Variants in MVB12B observed in about 807,000 individuals in gnomAD.
The protein encoded by MVB12B is multivesicular body subunit 12B.
A neutral mutation model predicts 41.6 loss-of-function variants in MVB12B; 16 were observed. The ratio of observed to expected loss-of-function variants is 0.38; its 90% confidence interval spans 0.26 to 0.58. MVB12B has a LOEUF of 0.58. Among genes scored for constraint, MVB12B ranks in the 20% least tolerant of loss-of-function variants. MVB12B has a pLI of 0.62. For synonymous variants in MVB12B, 133 were observed against 139.7 expected (o/e 0.95, Z 0.34); for missense variants, 274 against 380.2 (o/e 0.72, Z 2.32).
At chr9:126,497,747 C>T (rs1425117250) in intron 9 of MVB12B, among the ~76,000 whole-genome samples, 1 of 152,212 alleles carries the variant, frequency 6.6e-6, no homozygotes, top group African/African-American at 2.4e-5. Flanking sequence ...TGGGGCTTCC[C>T]GCTGGGTATG....
intron 7 of MVB12B, among the ~76,000 whole-genome samples, chr9:126,430,496 A>G (rs908563191): frequency 6.7e-6 from 1 of 148,456 alleles, no homozygotes; most frequent in Non-Finnish European, 1.5e-5. Context: ...ACCCCACACT[A>G]CTCTGTTGGA....
At chr9:126,420,398 T>A (rs1831968435) in intron 6 of MVB12B, among the ~76,000 whole-genome samples, 1 of 152,294 alleles carries the variant, frequency 6.6e-6, no homozygotes, top group Admixed American at 6.5e-5. Flanking sequence ...CTGGCTGGGC[T>A]GTGGCTGAGT....
chr9:126,364,786 C>G (rs1830119755), intron 2 of MVB12B, among the ~76,000 whole-genome samples: 1 of 152,170 alleles, frequency 6.6e-6, no homozygotes, highest in African/African-American at 2.4e-5. Flanking sequence ...GAGTCTTGCT[C>G]TGTTGCCCAG....
chr9:126,409,299 C>CTGTGTGTGTGTG (rs61211126), intron 6 of MVB12B, among the ~76,000 whole-genome samples: 25 of 138,114 alleles, frequency 1.8e-4, no homozygotes, highest in East Asian at 4.3e-4. Flanking sequence ...GTGAGTAACT[C>CTGTGTGTGTGTG]TGTGTGTGTG....
chr9:126,467,721 C>G (rs527545072), intron 7 of MVB12B, among the ~76,000 whole-genome samples: 58 of 152,210 alleles, frequency 3.8e-4, no homozygotes, highest in African/African-American at 1.3e-3. Flanking sequence ...CAATGGGAAC[C>G]CCTTCAGGCT....
chr9:126,406,772 G>A (rs1056513203), intron 6 of MVB12B, among the ~76,000 whole-genome samples: 28 of 152,118 alleles, frequency 1.8e-4, no homozygotes, highest in Admixed American at 1.8e-3. Context: ...TAAATGTAGT[G>A]AATAAATACC....
At chr9:126,409,299 CTGTGTG>C (rs61211126) in intron 6 of MVB12B, among the ~76,000 whole-genome samples, 3,386 of 138,068 alleles carry the variant, frequency 0.025, 93 homozygotes, top group African/African-American at 0.064. Context: ...GTGAGTAACT[CTGTGTG>C]TGTGTGTGTG....
At chr9:126,343,558 A>G (rs1829506633) in intron 2 of MVB12B, among the ~76,000 whole-genome samples, 1 of 152,200 alleles carries the variant, frequency 6.6e-6, no homozygotes. Context: ...ACTGAGAATC[A>G]TTGTTGGGTG....
intron 7 of MVB12B, among the ~76,000 whole-genome samples, chr9:126,435,658 C>CA (rs34798291): frequency 0.36 from 44,795 of 124,944 alleles, 7,630 homozygotes; most frequent in Middle Eastern, 0.47. Context: ...TTATTTTAGC[C>CA]AAAAAAAAAA....
At chr9:126,368,070 G>A (rs1319819827) in intron 2 of MVB12B, among the ~76,000 whole-genome samples, 1 of 152,260 alleles carries the variant, frequency 6.6e-6, no homozygotes, top group African/African-American at 2.4e-5. Context: ...CGGAAGGGAA[G>A]CAGTGGTTTC....
chr9:126,373,121 T>C (rs562213790), intron 2 of MVB12B, among the ~76,000 whole-genome samples: 1 of 152,340 alleles, frequency 6.6e-6, no homozygotes, highest in African/African-American at 2.4e-5. Flanking sequence ...AACAGGTTTA[T>C]GTTTTTCATT....
chr9:126,411,473 C>G (rs1227203322), intron 6 of MVB12B, among the ~76,000 whole-genome samples: 1 of 152,202 alleles, frequency 6.6e-6, no homozygotes, highest in Non-Finnish European at 1.5e-5. Context: ...CCTGTTGATA[C>G]TGGTCCAGCT....
At chr9:126,418,071 G>A (rs1831877078) in intron 6 of MVB12B, among the ~76,000 whole-genome samples, 1 of 152,180 alleles carries the variant, frequency 6.6e-6, no homozygotes, top group South Asian at 2.1e-4. Context: ...CTGGTGTGCC[G>A]GGGATGTGTA....
Position 126,421,880 on chromosome 9 carries a change from C to T in MVB12B, c.689C>T (p.Thr230Ile). The part of the protein sequence containing the change: ...PRHISLTLPA[T>I]FRGRNSTRTD... ...CACATCTCCCTAACACTTCCTGCCA[C>T]CTTCCGAGGCAGGAACAGCACCCGG... Residue 230 changes from threonine (T) to isoleucine (I), a missense_variant, in exon 7 of 10, where the codon ACC (threonine) becomes ATC (isoleucine). Physicochemically the swap from Thr to Ile is moderately conservative, Grantham distance 89. Transcript: ENST00000361171. The T allele has an allele frequency of 6.2e-7, 1 of 1,614,050 alleles. No individual in the cohort carries two copies. Among genetic ancestry groups the T allele is most frequent in the Non-Finnish European group, 8.5e-7 (1 of 1,179,944 alleles).
At chr9:126,451,727 G>A (rs1488024676) in intron 7 of MVB12B, among the ~76,000 whole-genome samples, 1 of 152,130 alleles carries the variant, frequency 6.6e-6, no homozygotes. Context: ...AAGGGTCCTG[G>A]GTGGGTGCCC....
Position 126,395,943 on chromosome 9 carries a change from CA to C in MVB12B, c.662+248del. 1.5e-6 allele frequency: 2 copies of C among 1,310,560 alleles called. No individual in the cohort carries two copies. Among genetic ancestry groups the C allele is most frequent in the Non-Finnish European group, 1.9e-6 (2 of 1,029,984 alleles). The allele number at this position is 1,310,560 out of a possible 1,614,324, so 81.2% of individuals were successfully genotyped here. On this transcript the variant is annotated intron_variant, in intron 6 of 9. Coordinates refer to ENST00000361171, the MANE Select transcript of MVB12B (RefSeq NM_033446.3). The surrounding 1 kb of genome is among the most constrained non-coding windows in gnomAD (Gnocchi z 4.9). ...CAGGCTTCTAAAATTGCAGATTATGCAACTTAAAATTGGCTCCCTATTCAAA... is the reference window on the plus strand; with the variant it reads ...CAGGCTTCTAAAATTGCAGATTATGCACTTAAAATTGGCTCCCTATTCAAA...
chr9:126,436,773 T>G lies in MVB12B; in HGVS notation c.757+14825T>G, dbSNP rs190912006. Among the ~76,000 whole-genome samples, 1 of 152,340 alleles carries G rather than the reference T, an allele frequency of 6.6e-6. No individual in the cohort carries two copies. Among genetic ancestry groups the G allele is most frequent in the African/African-American group, 2.4e-5 (1 of 41,574 alleles). On this transcript the variant is annotated intron_variant, in intron 7 of 9. Transcript: ENST00000361171. This position sits in a 1 kb window ranked among gnomAD's most constrained non-coding sequence, Gnocchi z 4.1. ...CAGAGCCTAAGGGGCACTCCACTCA[T>G]GAGTCATGAACTAGTAAGGGAATGG...
Position 126,459,231 on chromosome 9 carries a change from G to A in MVB12B, c.758-22138G>A, listed in dbSNP as rs900550495. Among the ~76,000 whole-genome samples, 25 of 152,200 alleles carry A rather than the reference G, an allele frequency of 1.6e-4. No individual in the cohort carries two copies. Among genetic ancestry groups the A allele is most frequent in the African/African-American group, 4.6e-4 (19 of 41,454 alleles). ...CCTTGTCGTAAACTCAGAGTGTCACGAGCCTGGCCTGCTGAGTGGTGCCAG... is the reference window on the plus strand; with the variant it reads ...CCTTGTCGTAAACTCAGAGTGTCACAAGCCTGGCCTGCTGAGTGGTGCCAG... On this transcript the variant is annotated intron_variant, in intron 7 of 9. Coordinates refer to ENST00000361171, the MANE Select transcript of MVB12B (RefSeq NM_033446.3). This position sits in a 1 kb window ranked among gnomAD's most constrained non-coding sequence, Gnocchi z 4.3.
At chr9:126,482,533 C>T (rs996395397) in intron 8 of MVB12B, among the ~76,000 whole-genome samples, 1 of 152,096 alleles carries the variant, frequency 6.6e-6, no homozygotes, top group Admixed American at 6.5e-5. Context: ...ACGCTGGCGC[C>T]TCTGCCGCCG....
Sources: gnomAD v4.1 joint callset for allele counts (sites outside exome capture counted in the v4.1 genomes callset) on GRCh38, gnomAD v4.1.1 for gene constraint, Gnocchi (gnomAD v3.1) non-coding constraint, MANE v1.5 for transcripts, NCBI Gene and HGNC (gene_info 2026-07-23, HGNC 2026-07-21) for gene names.